The following CEP192 variants were observed in gnomAD, a reference collection of about 807,000 sequenced individuals.
CEP192 encodes centrosomal protein of 192 kDa.
CEP192 carries 151 observed loss-of-function variants against 271.8 expected under a neutral mutation model. The observed-to-expected ratio is 0.56, with a 90% confidence interval of 0.49 to 0.64. The LOEUF (loss-of-function observed/expected upper bound fraction) is 0.64, where lower values mean the gene tolerates loss of function less well. Ranked by LOEUF, CEP192 falls within the 30% of genes least tolerant of loss-of-function variation. CEP192 has a pLI of 0.00. For missense variants in CEP192, 2,910 were observed against 3,020.5 expected (o/e 0.96, Z 0.86); for synonymous variants, 995 against 1,076.5 (o/e 0.92, Z 1.48).
intron 27 of CEP192, 49 bp from the exon 28 acceptor site, chr18:13,070,990 G>A (rs760102043): frequency 2.3e-5 from 35 of 1,500,982 alleles, no homozygotes; most frequent in Admixed American, 8.9e-5. Flanking sequence ...AAATAGTTGC[G>A]AAAAGAATTG....
intron 40 of CEP192, among the ~76,000 whole-genome samples, chr18:13,111,193 C>A (rs1469241357): frequency 1.3e-5 from 2 of 152,172 alleles, no homozygotes; most frequent in Non-Finnish European, 2.9e-5. Context: ...GGTTCAATCT[C>A]GTCTCACTGC....
chr18:13,055,052 C>T (rs992970642), intron 18 of CEP192, among the ~76,000 whole-genome samples: 8 of 151,904 alleles, frequency 5.3e-5, no homozygotes, highest in Non-Finnish European at 1.2e-4. Context: ...CTGAGGCAGG[C>T]GGATCACCTG....
In CEP192 at chr18:13,029,778, C is replaced by A. The variant is rs1187680734; in HGVS notation, c.1166C>A (p.Pro389His). 1 of 1,551,652 alleles carries A rather than the reference C, an allele frequency of 6.4e-7. No individual in the cohort carries two copies. The highest frequency in any genetic ancestry group is 2.4e-5 in the East Asian group (1 of 40,906). Reference sequence around the variant, plus strand: ...AGAGGTGGTTTTGATCTGACTGACCCTGTAAAACAGGGGGCAGAGTGTCCT... The same window carrying A: ...AGAGGTGGTTTTGATCTGACTGACCATGTAAAACAGGGGGCAGAGTGTCCT... ...ANRGGFDLTD[P>H]VKQGAECPHQ... The change falls in exon 10 of 45, where the codon CCT (proline) becomes CAT (histidine). Residue 389 changes from proline (P) to histidine (H), a missense_variant. By Grantham distance (77) the Pro-to-His change is moderately conservative. Coordinates refer to ENST00000506447, the MANE Select transcript of CEP192 (RefSeq NM_032142.4).
At chr18:13,008,193 C>T (rs558817390) in intron 3 of CEP192, among the ~76,000 whole-genome samples, 71 of 152,200 alleles carry the variant, frequency 4.7e-4, no homozygotes, top group African/African-American at 1.6e-3. Context: ...GTAAAAAAAC[C>T]ACTTTTTGCT....
intron 32 of CEP192, among the ~76,000 whole-genome samples, chr18:13,088,019 T>G (rs2038976064): frequency 6.6e-6 from 1 of 152,252 alleles, no homozygotes; most frequent in Non-Finnish European, 1.5e-5. Context: ...GATTATATTG[T>G]ATAAACACAG....
At chr18:13,068,534 A>G (rs1183560576) in intron 24 of CEP192, 112 bp downstream of exon 24, 3 of 981,924 alleles carry the variant, frequency 3.1e-6, no homozygotes, top group Non-Finnish European at 4.6e-6. Flanking sequence ...TCTGTCAACT[A>G]TTTTATGTTT....
chr18:13,123,807 C>T (rs1008605145), intron 44 of CEP192, among the ~76,000 whole-genome samples: 1 of 152,120 alleles, frequency 6.6e-6, no homozygotes, highest in African/African-American at 2.4e-5. Context: ...AACCATAGGG[C>T]ACTTGTTACC....
chr18:13,023,582 C>T (rs757977443), intron 9 of CEP192, among the ~76,000 whole-genome samples: 2 of 150,924 alleles, frequency 1.3e-5, no homozygotes, highest in Non-Finnish European at 2.9e-5. Flanking sequence ...CCTGGGATCT[C>T]CTTGGTTATG....
At chr18:13,121,489 G>A (rs1021902495) in intron 44 of CEP192, among the ~76,000 whole-genome samples, 1 of 152,186 alleles carries the variant, frequency 6.6e-6, no homozygotes, top group Non-Finnish European at 1.5e-5. Flanking sequence ...AGAAGGTACA[G>A]GGGTTTTGCT....
intron 42 of CEP192, 27 bp from the exon 43 acceptor site, chr18:13,116,350 T>C (rs1307903244): frequency 1.1e-5 from 18 of 1,603,034 alleles, no homozygotes; most frequent in Non-Finnish European, 1.4e-5. Flanking sequence ...TTCAGATTCT[T>C]AACTTTTACA....
chr18:13,041,929 A>T (rs1432696923), intron 14 of CEP192, among the ~76,000 whole-genome samples: 1 of 152,254 alleles, frequency 6.6e-6, no homozygotes, highest in East Asian at 1.9e-4. Context: ...GCTGAAAAAT[A>T]TTGAATGAGT....
intron 11 of CEP192, among the ~76,000 whole-genome samples, chr18:13,036,212 TAGCA>T (rs2035909108): frequency 6.6e-6 from 1 of 152,140 alleles, no homozygotes; most frequent in South Asian, 2.1e-4. Context: ...GGTAAAGAAC[TAGCA>T]CTGTTCTGAC....
chr18:13,116,702 C>G (rs527405998), intron 43 of CEP192, among the ~76,000 whole-genome samples, 199 bp downstream of exon 43: 2 of 152,110 alleles, frequency 1.3e-5, no homozygotes, highest in South Asian at 4.2e-4. Context: ...CTCCACCTCC[C>G]GGGTTCATGC....
intron 35 of CEP192, 100 bp from the exon 36 acceptor site, chr18:13,096,084 A>G (rs535410179): frequency 4.2e-6 from 5 of 1,204,762 alleles, no homozygotes; most frequent in Non-Finnish European, 5.9e-6. Context: ...GCAGTAGCAT[A>G]CTTGTATATC....
intron 15 of CEP192, among the ~76,000 whole-genome samples, chr18:13,046,203 T>C (rs528977357): frequency 3.2e-4 from 49 of 152,170 alleles, no homozygotes; most frequent in African/African-American, 1.0e-3. Context: ...AAAGCAGGGA[T>C]GGGGAAGGTG....
intron 38 of CEP192, among the ~76,000 whole-genome samples, chr18:13,102,163 T>C (rs1158169358): frequency 6.6e-6 from 1 of 152,054 alleles, no homozygotes; most frequent in Non-Finnish European, 1.5e-5. Context: ...CCTTCTTTCC[T>C]CTGGGAGCTC....
intron 15 of CEP192, among the ~76,000 whole-genome samples, chr18:13,046,649 A>G (rs978302311): frequency 6.6e-5 from 10 of 151,936 alleles, no homozygotes; most frequent in Non-Finnish European, 1.3e-4. Flanking sequence ...TTTCTTTTAA[A>G]TGTCTTATTT....
At chr18:13,111,409 G>A (rs2040204772) in intron 40 of CEP192, among the ~76,000 whole-genome samples, 1 of 152,182 alleles carries the variant, frequency 6.6e-6, no homozygotes, top group Non-Finnish European at 1.5e-5. Context: ...GCAGGCGTGA[G>A]CCACCGTGCC....
In CEP192 at chr18:13,071,124, C is replaced by G; in HGVS notation, c.5260C>G (p.Leu1754Val). 1 of 1,614,110 alleles carries G rather than the reference C, an allele frequency of 6.2e-7. No individual in the cohort carries two copies. The highest frequency in any genetic ancestry group is 8.5e-7 in the Non-Finnish European group (1 of 1,179,954). Reference protein sequence around the residue: ...GEVISSGSKPLSPGPCLDIPS... With the variant: ...GEVISSGSKPVSPGPCLDIPS... The stretch of plus-strand genomic sequence containing the variant: ...AGTCATTTCTTCAGGAAGTAAACCT[C>G]TGTCACCTGGACCTTGCTTAGATAT... The change falls in exon 28 of 45, where the codon CTG becomes GTG. Residue 1754 changes from leucine to valine, a missense_variant. Coordinates refer to ENST00000506447, the MANE Select transcript of CEP192 (RefSeq NM_032142.4).
Sources: allele counts gnomAD v4.1 joint callset (sites outside exome capture counted in the v4.1 genomes callset), GRCh38; gene constraint gnomAD v4.1.1; transcripts MANE v1.5; gene names NCBI Gene and HGNC (gene_info 2026-07-23, HGNC 2026-07-21).